The following CACNB4 variants were observed in gnomAD, a reference collection of about 807,000 sequenced individuals.
CACNB4 encodes the protein voltage-dependent L-type calcium channel subunit beta-4.
CACNB4 carries 32 observed loss-of-function variants against 71.2 expected under a neutral mutation model. The ratio of observed to expected loss-of-function variants is 0.45; its 90% CI spans 0.34 to 0.60. CACNB4 has a LOEUF of 0.60. CACNB4 is among the 20% of genes least tolerant of loss of function. The probability of loss-of-function intolerance (pLI) is 0.01; values close to 1 mark genes in which losing one functional copy is unlikely to be tolerated. For synonymous variants in CACNB4, 231 were observed against 236.9 expected (o/e 0.97, Z 0.23); for missense variants, 464 against 647.9 (o/e 0.72, Z 3.08).
rs2099834991 is a variant in CACNB4 at position 151,836,803 on chromosome 2, C to A, written c.*2316G>T. The stretch of plus-strand genomic sequence containing the variant: ...GATGACTAGGAAATATATTTAAATG[C>A]TGTTACAGCTACCTGCCATAAAATG... On this transcript the variant is annotated 3_prime_UTR_variant, in exon 14 of 14. Transcript: ENST00000539935. 1 of 151,900 alleles carries A rather than the reference C, an allele frequency of 6.6e-6. No homozygotes were observed. The highest frequency in any genetic ancestry group is 6.6e-5 in the Admixed American group (1 of 15,248). 9.4% of individuals were successfully genotyped at this position (151,900 alleles called of 1,614,324 possible).
At chr2:152,092,930 TAAAAC>T (rs1167566705) in intron 2 of CACNB4, among the ~76,000 whole-genome samples, 3 of 152,162 alleles carry the variant, frequency 2.0e-5, no homozygotes, top group East Asian at 3.9e-4. Context: ...CAACTAATAA[TAAAAC>T]AGAACAATGT....
At chr2:152,090,439 A>G (rs1156920278) in intron 2 of CACNB4, among the ~76,000 whole-genome samples, 2 of 152,192 alleles carry the variant, frequency 1.3e-5, no homozygotes, top group African/African-American at 4.8e-5. Flanking sequence ...GGATCACCTG[A>G]GCTCAGGAGT....
chr2:151,839,286 T>C lies in CACNB4; in HGVS notation c.1396A>G (p.Arg466Gly). ...AAGCGGTTCCTACTCTTCCGAGCCC[T>C]TTCATTGTGATAATTTTCATCAGAG... ...MTSDENYHNE[R>G]ARKSRNRLSS... Residue 466 changes from arginine to glycine, a missense_variant, in exon 14 of 14, where the codon AGG becomes GGG. Physicochemically the swap from Arg to Gly is moderately radical, Grantham distance 125 (BLOSUM62 -2). This residue lies in a region of CACNB4 where 115 missense variants were observed against 128.8 expected (regional missense o/e 0.89). Coordinates refer to ENST00000539935, the MANE Select transcript of CACNB4 (RefSeq NM_000726.5). The C allele has an allele frequency of 1.9e-6, 3 of 1,613,600 alleles. No homozygotes were observed. Among genetic ancestry groups the C allele is most frequent in the Non-Finnish European group, 2.5e-6 (3 of 1,179,562 alleles).
rs1012032829 is a variant in CACNB4 at position 151,982,498 on chromosome 2, G to T, written c.148-99128C>A. 6.6e-5 allele frequency among the ~76,000 whole-genome samples: 10 copies of T among 152,110 alleles called. 1 individual carries two copies. Among genetic ancestry groups the T allele is most frequent in the Non-Finnish European group, 1.3e-4 (9 of 68,004 alleles). Reference sequence around the variant, plus strand: ...AATACAAAAAAATCAGCCAGGCGTGGTGGCTGGCGCCTGTAGTCCCAGCTA... The same window carrying T: ...AATACAAAAAAATCAGCCAGGCGTGTTGGCTGGCGCCTGTAGTCCCAGCTA... On this transcript the variant is annotated intron_variant, in intron 2 of 13. Coordinates refer to ENST00000539935, the MANE Select transcript of CACNB4 (RefSeq NM_000726.5).
chr2:151,878,518 A>C (rs1408344722), intron 4 of CACNB4, among the ~76,000 whole-genome samples: 1 of 148,274 alleles, frequency 6.7e-6, no homozygotes, highest in Non-Finnish European at 1.5e-5. Flanking sequence ...AGGAGTTTGA[A>C]ATCAGCCAGG....
At chr2:151,958,730 C>T (rs1298623289) in intron 2 of CACNB4, among the ~76,000 whole-genome samples, 1 of 152,182 alleles carries the variant, frequency 6.6e-6, no homozygotes, top group African/African-American at 2.4e-5. Context: ...ATTTCCACAG[C>T]TTTTTATTTG....
intron 2 of CACNB4, among the ~76,000 whole-genome samples, chr2:152,050,970 T>C (rs1685398535): frequency 6.6e-6 from 1 of 152,144 alleles, no homozygotes; most frequent in Non-Finnish European, 1.5e-5. Context: ...GGTTTCACCA[T>C]GTTGCCCAGG....
intron 2 of CACNB4, among the ~76,000 whole-genome samples, chr2:152,003,304 G>A (rs886094340): frequency 1.3e-5 from 2 of 151,946 alleles, no homozygotes; most frequent in East Asian, 3.9e-4. Context: ...AAATTAGCCG[G>A]GCCTGGTGGC....
chr2:151,959,172 GA>G (rs1298098565), intron 2 of CACNB4, among the ~76,000 whole-genome samples: 1 of 152,196 alleles, frequency 6.6e-6, no homozygotes, highest in Admixed American at 6.5e-5. Context: ...TACTTCTAAA[GA>G]AATGATATAG....
intron 5 of CACNB4, chr2:151,873,126 T>A (rs1185769980): frequency 2.0e-5 from 3 of 152,134 alleles, no homozygotes; most frequent in Non-Finnish European, 4.4e-5. Flanking sequence ...TGATAATAAT[T>A]CAGTTATTTT....
At chr2:151,882,967 G>A in intron 3 of CACNB4, 1 of 413,354 alleles carries the variant, frequency 2.4e-6, no homozygotes, top group Non-Finnish European at 4.5e-6. Context: ...CTGGGGGGCT[G>A]TCTGCCAACA....
intron 2 of CACNB4, among the ~76,000 whole-genome samples, chr2:151,956,886 C>T (rs2099868404): frequency 6.6e-6 from 1 of 152,184 alleles, no homozygotes; most frequent in African/African-American, 2.4e-5. Context: ...GTGGCTCATG[C>T]CTGTAATCCT....
rs558686700 is a variant in CACNB4, at chr2:152,067,394, G to C, written c.147+30936C>G. 7.8e-4 allele frequency among the ~76,000 whole-genome samples: 117 copies of C among 150,204 alleles called. 4 individuals are homozygous for C. Among genetic ancestry groups the C allele is most frequent in the African/African-American group, 2.8e-3 (111 of 39,978 alleles). ...TTATAGAGATGTGTGTGTGTGGGGG[G>C]GGGGGTGCCTCTCACTGTGTTGCCC... is the stretch of plus-strand genomic sequence containing the variant. On this transcript the variant is annotated intron_variant, in intron 2 of 13. Transcript: ENST00000539935.
At position 151,842,075 on chromosome 2, in the gene CACNB4, A is replaced by G. The variant is rs905784617; in HGVS notation, c.1130T>C (p.Val377Ala). Reference sequence around the variant, plus strand: ...CTCAAGCTGATTTTCATCCAATATAACATCAAACATTTCCTGTAGATGACA... The same window carrying G: ...CTCAAGCTGATTTTCATCCAATATAGCATCAAACATTTCCTGTAGATGACA... ...LAQCPPEMFD[V>A]ILDENQLEDA... Residue 377 changes from valine to alanine, a missense_variant, in exon 13 of 14, where the codon GTT becomes GCT. By Grantham distance (64) the Val-to-Ala change is moderately conservative. Around this residue, in one of 3 missense-constraint regions of CACNB4, gnomAD observed 299 missense variants for 471.7 expected, o/e 0.63. Transcript: ENST00000539935. 2 of 1,613,662 alleles carry G rather than the reference A, an allele frequency of 1.2e-6. No homozygotes were observed. Among genetic ancestry groups the G allele is most frequent in the Non-Finnish European group, 1.7e-6 (2 of 1,179,686 alleles).
At chr2:152,060,838 C>T (rs1685970490) in intron 2 of CACNB4, among the ~76,000 whole-genome samples, 1 of 152,034 alleles carries the variant, frequency 6.6e-6, no homozygotes, top group Non-Finnish European at 1.5e-5. Flanking sequence ...CAAAACAATA[C>T]ATAAATTTTT....
intron 2 of CACNB4, among the ~76,000 whole-genome samples, chr2:152,047,737 A>G (rs2105276354): frequency 6.6e-6 from 1 of 152,206 alleles, no homozygotes; most frequent in East Asian, 1.9e-4. Context: ...TATCTCTACT[A>G]AAAATACAAA....
At chr2:151,996,198 A>G (rs1184930338) in intron 2 of CACNB4, among the ~76,000 whole-genome samples, 1 of 152,232 alleles carries the variant, frequency 6.6e-6, no homozygotes, top group Non-Finnish European at 1.5e-5. Context: ...GCTAGCTTGG[A>G]AACAAGTTGA....
chr2:151,919,388 C>T (rs953758822), intron 2 of CACNB4, among the ~76,000 whole-genome samples: 3 of 152,148 alleles, frequency 2.0e-5, no homozygotes, highest in Non-Finnish European at 2.9e-5. Flanking sequence ...TTAGCCACCG[C>T]GCCCAGCCTG....
intron 2 of CACNB4, among the ~76,000 whole-genome samples, chr2:151,991,637 C>T (rs752083988): frequency 1.3e-5 from 2 of 152,182 alleles, no homozygotes; most frequent in African/African-American, 2.4e-5. Context: ...TGCAGGGCTT[C>T]TGAATGTCTT....
Sources: gnomAD v4.1 joint callset for allele counts (sites outside exome capture counted in the v4.1 genomes callset) on GRCh38, gnomAD v4.1.1 for gene constraint, gnomAD v4.1.1 regional missense constraint, MANE v1.5 for transcripts, NCBI Gene and HGNC (gene_info 2026-07-23, HGNC 2026-07-21) for gene names.